The following RAD51B variants were observed in gnomAD, a reference collection of about 807,000 sequenced individuals.
RAD51B encodes the protein DNA repair protein RAD51 homolog 2.
RAD51B carries 38 observed loss-of-function variants against 42.2 expected under a neutral mutation model. The observed-to-expected ratio is 0.90, with a 90% confidence interval of 0.70 to 1.18. The LOEUF (loss-of-function observed/expected upper bound fraction) is 1.18, where lower values mean the gene tolerates loss of function less well. Ranked by LOEUF, RAD51B falls within the 50% of genes most tolerant of loss-of-function variation. The pLI, the probability that RAD51B is intolerant of heterozygous loss-of-function variation, is 0.00. For synonymous variants in RAD51B, 154 were observed against 145.2 expected (o/e 1.06, Z -0.43); for missense variants, 373 against 400.7 (o/e 0.93, Z 0.59).
At chr14:67,945,925 T>C (rs1271464828) in intron 7 of RAD51B, among the ~76,000 whole-genome samples, 1 of 152,194 alleles carries the variant, frequency 6.6e-6, no homozygotes, top group Non-Finnish European at 1.5e-5. Flanking sequence ...TCATAACCCT[T>C]AAAAGGTTAA....
At chr14:68,555,317 C>T (rs757370) in intron 10 of RAD51B, among the ~76,000 whole-genome samples, 33,228 of 152,194 alleles carry the variant, frequency 0.22, 4,339 homozygotes, top group South Asian at 0.32. Context: ...TAAGCCTTAA[C>T]ATCCAGTCCA....
At chr14:68,364,611 C>T (rs1231629574) in intron 8 of RAD51B, among the ~76,000 whole-genome samples, 1 of 152,170 alleles carries the variant, frequency 6.6e-6, no homozygotes, top group Non-Finnish European at 1.5e-5. Flanking sequence ...CCCACAGCCT[C>T]ACAGGGCGCT....
chr14:68,521,397 T>C (rs1021193055), intron 10 of RAD51B, among the ~76,000 whole-genome samples: 2 of 152,214 alleles, frequency 1.3e-5, no homozygotes, highest in African/African-American at 2.4e-5. Context: ...CAGCTGGCCA[T>C]GTCTTGGACA....
At chr14:68,484,033 C>G (rs1883408903) in intron 10 of RAD51B, among the ~76,000 whole-genome samples, 1 of 152,216 alleles carries the variant, frequency 6.6e-6, no homozygotes, top group Non-Finnish European at 1.5e-5. Context: ...ATTTTGGTGA[C>G]TTAACAGGGA....
At chr14:68,576,469 G>A (rs564660616) in intron 10 of RAD51B, among the ~76,000 whole-genome samples, 3 of 152,340 alleles carry the variant, frequency 2.0e-5, no homozygotes, top group African/African-American at 4.8e-5. Context: ...GGTTGAGGAT[G>A]CATAAAGCTT....
intron 10 of RAD51B, among the ~76,000 whole-genome samples, chr14:68,543,689 G>A (rs952398134): frequency 1.3e-5 from 2 of 152,184 alleles, no homozygotes; most frequent in African/African-American, 2.4e-5. Flanking sequence ...CAGCTTCGAT[G>A]AGACCTAGAG....
At chr14:68,240,901 A>G (rs1171256326) in intron 7 of RAD51B, among the ~76,000 whole-genome samples, 2 of 152,240 alleles carry the variant, frequency 1.3e-5, no homozygotes, top group Non-Finnish European at 2.9e-5. Context: ...TAGGCACTTT[A>G]CCTACATTAT....
At chr14:68,420,287 A>G (rs1207726920) in intron 9 of RAD51B, among the ~76,000 whole-genome samples, 16 of 152,192 alleles carry the variant, frequency 1.1e-4, no homozygotes. Context: ...ACCTCATGCA[A>G]GAAAGAATTT....
chr14:67,869,828 G>A (rs1210190078), intron 5 of RAD51B, among the ~76,000 whole-genome samples: 2 of 152,010 alleles, frequency 1.3e-5, no homozygotes, highest in Non-Finnish European at 2.9e-5. Flanking sequence ...TTCATATCCA[G>A]CCAAACAAGC....
chr14:68,423,330 C>A (rs890946462), intron 9 of RAD51B, among the ~76,000 whole-genome samples: 1 of 152,168 alleles, frequency 6.6e-6, no homozygotes, highest in Non-Finnish European at 1.5e-5. Flanking sequence ...AAAGCCCCAG[C>A]GGCCCTGGCT....
At chr14:67,958,697 T>C (rs374309699) in intron 7 of RAD51B, among the ~76,000 whole-genome samples, 1 of 152,380 alleles carries the variant, frequency 6.6e-6, no homozygotes, top group East Asian at 1.9e-4. Flanking sequence ...TGTAGCCAAG[T>C]GAATAAGGTC....
intron 9 of RAD51B, among the ~76,000 whole-genome samples, chr14:68,438,904 C>A (rs1161215185): frequency 6.6e-6 from 1 of 152,114 alleles, no homozygotes; most frequent in Non-Finnish European, 1.5e-5. Context: ...AATACCAGTA[C>A]AGGCTTCAAA....
intron 7 of RAD51B, among the ~76,000 whole-genome samples, chr14:67,975,912 T>C (rs2074984583): frequency 1.3e-5 from 2 of 152,188 alleles, no homozygotes; most frequent in African/African-American, 4.8e-5. Flanking sequence ...ATCCCTAATA[T>C]CATGTTCAGT....
chr14:68,359,183 C>T (rs1425215671), intron 8 of RAD51B, among the ~76,000 whole-genome samples: 12 of 152,106 alleles, frequency 7.9e-5, no homozygotes, highest in Admixed American at 7.9e-4. Context: ...AAACAGAACC[C>T]ACCAAGAGGA....
intron 9 of RAD51B, among the ~76,000 whole-genome samples, chr14:68,439,400 A>G (rs1238295750): frequency 6.6e-6 from 1 of 152,018 alleles, no homozygotes; most frequent in East Asian, 1.9e-4. Context: ...ATTGTCCCCT[A>G]TTTTCATTTC....
intron 7 of RAD51B, among the ~76,000 whole-genome samples, chr14:68,269,319 G>C (rs781609071): frequency 6.6e-6 from 1 of 152,184 alleles, no homozygotes; most frequent in African/African-American, 2.4e-5. Context: ...CCCAAGGCTG[G>C]GTGCCAGCCT....
chr14:68,510,111 G>A (rs1885622550), intron 10 of RAD51B, among the ~76,000 whole-genome samples: 1 of 152,182 alleles, frequency 6.6e-6, no homozygotes, highest in African/African-American at 2.4e-5. Context: ...CCACTGCTGA[G>A]TGGGGAGCAG....
At chr14:68,144,450 T>C (rs1325870873) in intron 7 of RAD51B, among the ~76,000 whole-genome samples, 1 of 152,238 alleles carries the variant, frequency 6.6e-6, no homozygotes, top group East Asian at 1.9e-4. Context: ...TTTTAAGTTA[T>C]TGCGCTTGCA....
intron 10 of RAD51B, chr14:68,541,966 A>G (rs1251920374): frequency 7.4e-6 from 2 of 269,874 alleles, no homozygotes; most frequent in Non-Finnish European, 1.1e-5. Flanking sequence ...ACAATTTTGA[A>G]TAGGTACTCT....
Sources: gnomAD v4.1 joint callset for allele counts (sites outside exome capture counted in the v4.1 genomes callset) on GRCh38, gnomAD v4.1.1 for gene constraint, MANE v1.5 for transcripts, NCBI Gene and HGNC (gene_info 2026-07-23, HGNC 2026-07-21) for gene names.